The following RP1L1 variants were observed in gnomAD, a reference collection of about 807,000 sequenced individuals.
The protein encoded by RP1L1 is retinitis pigmentosa 1-like 1 protein.
RP1L1 carries 27 observed loss-of-function variants against 15.7 expected under a neutral mutation model. That is an observed-to-expected ratio of 1.72 (90% CI 1.27 to 2.38). RP1L1 has a LOEUF of 2.38. Among genes scored for constraint, RP1L1 ranks in the 30% most tolerant of loss-of-function variants. The probability of loss-of-function intolerance (pLI) is 0.00; values close to 1 mark genes in which losing one functional copy is unlikely to be tolerated. For synonymous variants in RP1L1, 1,813 were observed against 1,276.7 expected (o/e 1.42, Z -8.96); for missense variants, 4,798 against 3,075.9 (o/e 1.56, Z -13.24).
Position 10,611,029 on chromosome 8 carries a change from C to A in RP1L1, c.3069G>T (p.Glu1023Asp). The A allele has an allele frequency of 6.2e-7, 1 of 1,612,790 alleles. No individual in the cohort carries two copies. ...SLEGDPGQDP[E>D]PEGALLGSSD... The stretch of plus-strand genomic sequence containing the variant: ...TACTCCCCAGGAGGGCTCCCTCTGG[C>A]TCTGGGTCCTGGCCGGGGTCCCCTT... Residue 1023 changes from glutamate to aspartate, a missense_variant, in exon 4 of 4, where the codon GAG becomes GAT. Coordinates refer to ENST00000382483, the MANE Select transcript of RP1L1 (RefSeq NM_178857.6).
rs1028392006 is a variant in RP1L1 at position 10,611,826 on chromosome 8, G to C, written c.2272C>G (p.Pro758Ala). 2.5e-6 allele frequency: 4 copies of C among 1,613,720 alleles called. No homozygotes were observed. Among genetic ancestry groups the C allele is most frequent in the Non-Finnish European group, 3.4e-6 (4 of 1,180,026 alleles). Reference protein sequence around the residue: ...FVSGVSPHNAPSAGWAGDAGS... With the variant: ...FVSGVSPHNAASAGWAGDAGS... Reference sequence around the variant, plus strand: ...GCGTCCCCTGCCCACCCGGCAGAGGGAGCGTTGTGCGGGGAGACTCCAGAA... The same window carrying C: ...GCGTCCCCTGCCCACCCGGCAGAGGCAGCGTTGTGCGGGGAGACTCCAGAA... Residue 758 changes from proline to alanine, a missense_variant, in exon 4 of 4, where the codon CCC becomes GCC. Transcript: ENST00000382483.
Position 10,611,236 on chromosome 8 carries a change from C to G in RP1L1, c.2862G>C (p.Glu954Asp). The change falls in exon 4 of 4, where the codon GAG becomes GAC. Residue 954 changes from glutamate to aspartate, a missense_variant. Coordinates refer to ENST00000382483, the MANE Select transcript of RP1L1 (RefSeq NM_178857.6). ...SPSSLPRSSP[E>D]AVVREWLDNI... ...TGTCCAGCCATTCGCGGACCACAGC[C>G]TCTGGAGACGAGCGGGGCAGAGAGC... 3 of 1,613,106 alleles carry G rather than the reference C, an allele frequency of 1.9e-6. No individual in the cohort carries two copies. Among genetic ancestry groups the G allele is most frequent in the East Asian group, 2.2e-5 (1 of 44,870 alleles).
rs1452864140 is a variant in RP1L1, at chr8:10,610,695, G to A, written c.3403C>T (p.Pro1135Ser). Residue 1135 changes from proline (P) to serine (S), a missense_variant, in exon 4 of 4, where the codon CCT becomes TCT. Transcript: ENST00000382483. Reference protein sequence around the residue: ...LQLFEEDLGSPASKVRFKDSP... With the variant: ...LQLFEEDLGSSASKVRFKDSP... The stretch of plus-strand genomic sequence containing the variant: ...TCTTTGAACCTCACTTTGCTGGCAG[G>A]AGACCCAAGGTCTTCCTCAAATAAC... 3 of 1,612,300 alleles carry A rather than the reference G, an allele frequency of 1.9e-6. No individual in the cohort carries two copies. In the African/African-American group the frequency reaches 4.0e-5, roughly 22 times the overall value.
intron 1 of RP1L1, among the ~76,000 whole-genome samples, chr8:10,628,733 G>A (rs1265522819): frequency 6.6e-6 from 1 of 152,308 alleles, no homozygotes; most frequent in East Asian, 1.9e-4. Flanking sequence ...GGTAATAAAA[G>A]AGGGACACAT....
chr8:10,629,164 T>C (rs1454105244), intron 1 of RP1L1, among the ~76,000 whole-genome samples: 2 of 152,228 alleles, frequency 1.3e-5, no homozygotes, highest in African/African-American at 4.8e-5. Context: ...GAAAGCTCTC[T>C]TGCCCAATCA....
chr8:10,647,926 C>G (rs1306593264), intron 1 of RP1L1, among the ~76,000 whole-genome samples: 1 of 152,220 alleles, frequency 6.6e-6, no homozygotes, highest in Non-Finnish European at 1.5e-5. Flanking sequence ...ATTCTGCTGT[C>G]CACAGCGGCT....
In RP1L1 at chr8:10,622,649, C is replaced by A. The variant is rs969519338; in HGVS notation, c.553G>T (p.Ala185Ser). The change falls in exon 2 of 4, where the codon GCC becomes TCC. Residue 185 changes from alanine (A) to serine (S), a missense_variant. Transcript: ENST00000382483. ...TRNLAAFLGK[A>S]SDLLRFPVKQ... ...ACAGGAAAGCGCAGGAGATCTGAGG[C>A]TTTGCCGAGAAAGGCGGCCAGGTTC... The A allele has an allele frequency of 1.4e-5, 23 of 1,614,086 alleles. No homozygotes were observed. Among genetic ancestry groups the A allele is most frequent in the Non-Finnish European group, 1.9e-5 (23 of 1,180,040 alleles).
rs761746736 is a variant in RP1L1 at position 10,607,673 on chromosome 8, T to A, written c.6425A>T (p.Gln2142Leu). 8.2e-6 allele frequency: 13 copies of A among 1,590,050 alleles called. No homozygotes were observed. The East Asian group carries it at 3.0e-4, about 36-fold the overall frequency. Residue 2142 changes from glutamine to leucine, a missense_variant, in exon 4 of 4, where the codon CAG (glutamine) becomes CTG (leucine). Transcript: ENST00000382483. ...GGCCTCTACACCTTCTGACTCAGGCTGGGCCTCCCCTTCAGCCTCTGGGGC... is the reference window on the plus strand; with the variant it reads ...GGCCTCTACACCTTCTGACTCAGGCAGGGCCTCCCCTTCAGCCTCTGGGGC... ...IEAPEAEGEA[Q>L]PESEGVEAQD...
chr8:10,623,310 C>CGA, intron 1 of RP1L1, 90 bp from the exon 2 acceptor site: 1 of 976,718 alleles, frequency 1.0e-6, no homozygotes, highest in Non-Finnish European at 1.5e-6. Flanking sequence ...GTGCTTCCTG[C>CGA]CCACCCCAAA....
chr8:10,609,050 A>G lies in RP1L1; in HGVS notation c.5048T>C (p.Ile1683Thr). 1 of 1,613,754 alleles carries G rather than the reference A, an allele frequency of 6.2e-7. No individual in the cohort carries two copies. Among genetic ancestry groups the G allele is most frequent in the Middle Eastern group, 1.6e-4 (1 of 6,062 alleles). The change falls in exon 4 of 4, where the codon ATC (isoleucine) becomes ACC (threonine). Residue 1683 changes from isoleucine to threonine, a missense_variant. Transcript: ENST00000382483. ...CTGCTGCAGGTCAAAGGCCTCTTTG[A>G]TGGGACCTCTGGTTGCCCCCATTGT... is the stretch of plus-strand genomic sequence containing the variant. ...KATMGATRGP[I>T]KEAFDLQQIL... is the part of the protein sequence containing the mutation.
At chr8:10,654,563 G>C (rs1034953188) in intron 1 of RP1L1, among the ~76,000 whole-genome samples, 2 of 152,092 alleles carry the variant, frequency 1.3e-5, no homozygotes, top group African/African-American at 4.8e-5. Flanking sequence ...CCTCAGGAGG[G>C]ATTTCTCCCT....
At position 10,655,113 on chromosome 8, in the gene RP1L1, C is replaced by G. The variant is rs1007136589; in HGVS notation, c.-235G>C. On this transcript the variant is annotated 5_prime_UTR_variant, in exon 1 of 4. Coordinates refer to ENST00000382483, the MANE Select transcript of RP1L1 (RefSeq NM_178857.6). ...CCCAGTCCCTTGGGCAGGAGCCCAG[C>G]CTCCTGAGCTCCAACAGATGGTCCA... 6.6e-6 allele frequency: 1 copy of G among 152,644 alleles called. No homozygotes were observed. The highest frequency in any genetic ancestry group is 1.5e-5 in the Non-Finnish European group (1 of 68,176). The allele number at this position is 152,644 out of a possible 1,614,324, so 9.5% of individuals were successfully genotyped here.
chr8:10,643,291 G>A (rs1255994711), intron 1 of RP1L1, among the ~76,000 whole-genome samples: 1 of 152,178 alleles, frequency 6.6e-6, no homozygotes. Flanking sequence ...GGTGAGCCAT[G>A]ATCACACTAC....
chr8:10,618,263 G>A (rs1316985188), intron 2 of RP1L1, among the ~76,000 whole-genome samples: 5 of 152,172 alleles, frequency 3.3e-5, no homozygotes, highest in African/African-American at 9.7e-5. Context: ...ACTTTGGGGG[G>A]CCGAGGTGGG....
intron 1 of RP1L1, among the ~76,000 whole-genome samples, chr8:10,631,420 C>T (rs1585989732): frequency 6.7e-6 from 1 of 150,196 alleles, no homozygotes; most frequent in Non-Finnish European, 1.5e-5. Context: ...CACACGCACA[C>T]ACACATGCGC....
chr8:10,607,348 CT>C lies in RP1L1; in HGVS notation c.6749del (p.Lys2250ArgfsTer8). ...CTCCTAGACTGACCTGAGGGCTCCCCTTTTTCTCACCTTGAGTTTCTCCTTC... is the reference window on the plus strand; with the variant it reads ...CTCCTAGACTGACCTGAGGGCTCCCCTTTTCTCACCTTGAGTTTCTCCTTC... ...ESEGETQGEKKGSPQVSLGDG... is the reference protein window; with the variant it reads ...ESEGETQGEKXGSPQVSLGDG... On this transcript the variant is annotated frameshift_variant, in exon 4 of 4. Coordinates refer to ENST00000382483, the MANE Select transcript of RP1L1 (RefSeq NM_178857.6). LOFTEE classifies it low-confidence loss of function (END_TRUNC). 1 of 1,614,146 alleles carries C rather than the reference CT, an allele frequency of 6.2e-7. No homozygotes were observed.
rs374297123 is a variant in RP1L1, at chr8:10,609,619, G to A, written c.4479C>T (p.Ala1493=). 2.5e-6 allele frequency: 4 copies of A among 1,607,194 alleles called. No individual in the cohort carries two copies. The highest frequency in any genetic ancestry group is 2.7e-5 in the African/African-American group (2 of 74,912). The change falls in exon 4 of 4, where the codon GCC becomes GCT. Residue 1493 remains alanine, a synonymous_variant. Coordinates refer to ENST00000382483, the MANE Select transcript of RP1L1 (RefSeq NM_178857.6). ...TCTCTGCAGCCCCCTGGGTGGGTTG[G>A]GCCTGCGTGTGCTCTTGGCCCATCA... is the stretch of plus-strand genomic sequence containing the variant. The part of the protein sequence containing the change: ...ATMMGQEHTQ[A]QPTQGAAERS...
In RP1L1 at chr8:10,613,380, A is replaced by G. The variant is rs1464524846; in HGVS notation, c.752-34T>C. ...CAGTGAAGAGGAAAAGAAAAGAAGAAAAGACTGTGAGCCATGGGGGCAGCA... is the reference window on the plus strand; with the variant it reads ...CAGTGAAGAGGAAAAGAAAAGAAGAGAAGACTGTGAGCCATGGGGGCAGCA... On this transcript the variant is annotated intron_variant, in intron 3 of 3. Transcript: ENST00000382483. 1.9e-6 allele frequency: 3 copies of G among 1,598,756 alleles called. No individual in the cohort carries two copies. The South Asian group carries it at 3.3e-5, about 18-fold the overall frequency.
intron 1 of RP1L1, among the ~76,000 whole-genome samples, chr8:10,644,356 A>G (rs796543883): frequency 9.2e-5 from 14 of 151,404 alleles, no homozygotes; most frequent in African/African-American, 3.4e-4. Flanking sequence ...AAATTCTGTG[A>G]CCCTACAGGA....
Sources: allele counts gnomAD v4.1 joint callset (sites outside exome capture counted in the v4.1 genomes callset), GRCh38; gene constraint gnomAD v4.1.1; transcripts MANE v1.5; gene names NCBI Gene and HGNC (gene_info 2026-07-23, HGNC 2026-07-21).